SLC23A3: variants seen among roughly 807,000 people sequenced by gnomAD.
SLC23A3 encodes E2-binding protein 3.
SLC23A3 carries 41 observed loss-of-function variants against 64.7 expected under a neutral mutation model. The observed-to-expected ratio is 0.63, with a 90% CI of 0.49 to 0.82. The LOEUF (loss-of-function observed/expected upper bound fraction) is 0.82. SLC23A3 is among the 40% of genes least tolerant of loss of function. The pLI, the probability that SLC23A3 is intolerant of heterozygous loss-of-function variation, is 0.00. For synonymous variants in SLC23A3, 281 were observed against 306.8 expected, an observed-to-expected ratio of 0.92 and a Z score of 0.88; for missense variants, 647 against 733.4, an observed-to-expected ratio of 0.88 and a Z score of 1.36.
At chr2:219,164,117 T>G (rs117781413) in intron 9 of SLC23A3, 116 bp downstream of exon 9, 2 of 675,410 alleles carry the variant, frequency 3.0e-6, no homozygotes, top group Non-Finnish European at 5.2e-6. Context: ...CATCCATCCA[T>G]CCACCCATCC....
rs778440946 is a variant in SLC23A3, at chr2:219,168,704, C to T, written c.622G>A (p.Ala208Thr). 6.2e-7 allele frequency: 1 copy of T among 1,613,850 alleles called. No individual in the cohort carries two copies. The highest frequency in any genetic ancestry group is 8.5e-7 in the Non-Finnish European group (1 of 1,179,904). ...APSLVVAGLS[A>T]HREVAQFCFT... ...CAGAACTGGGCTACCTCCCTGTGGG[C>T]AGAGAGCCCTGCCACAACCAGGCTG... Residue 208 changes from alanine to threonine, a missense_variant, in exon 5 of 12, where the codon GCC (alanine) becomes ACC (threonine). Coordinates refer to ENST00000409878, the MANE Select transcript of SLC23A3 (RefSeq NM_001144889.2).
intron 9 of SLC23A3, 149 bp from the exon 10 acceptor site, chr2:219,163,704 T>C (rs556275713): frequency 1.6e-5 from 12 of 773,694 alleles, no homozygotes; most frequent in Middle Eastern, 3.9e-4. Flanking sequence ...GTTTTTTTGG[T>C]TTTTTTTTGA....
At position 219,165,376 on chromosome 2, in the gene SLC23A3, G is replaced by A. The variant is rs780672586; in HGVS notation, c.960C>T (p.Gly320=). The A allele has an allele frequency of 4.5e-6, 7 of 1,551,102 alleles. No homozygotes were observed. In the South Asian group the frequency reaches 5.9e-5, roughly 13 times the overall value. Residue 320 remains glycine (G), a synonymous_variant, in exon 8 of 12, where the codon GGC becomes GGT. Transcript: ENST00000409878. ...TGGAGGCTGCCAAGGCCATGGAGAT[G>A]CCTGCAGCCAGAGCTCTGGGCGTCA... ...PLLTPRALAA[G]ISMALAASTS...
At position 219,169,332 on chromosome 2, in the gene SLC23A3, C is replaced by T. The variant is rs537400035; in HGVS notation, c.395G>A (p.Arg132Gln). Reference sequence around the variant, plus strand: ...ACAGTTTCCAGGTGTCTGGATGGCCCGGGGTAGCTTCTGGCTGGTCAGCAC... The same window carrying T: ...ACAGTTTCCAGGTGTCTGGATGGCCTGGGGTAGCTTCTGGCTGGTCAGCAC... The part of the protein sequence containing the change: ...ALVLTSQKLP[R>Q]AIQTPGNSSL... The change falls in exon 3 of 12, where the codon CGG (arginine) becomes CAG (glutamine). Residue 132 changes from arginine (R) to glutamine (Q), a missense_variant. Transcript: ENST00000409878. This position sits in a 1 kb window ranked among gnomAD's most constrained non-coding sequence, Gnocchi z 4.5. 4.6e-5 allele frequency: 74 copies of T among 1,614,082 alleles called. No homozygotes were observed. Among genetic ancestry groups the T allele is most frequent in the Admixed American group, 1.3e-4 (8 of 60,000 alleles).
chr2:219,168,599 C>T (rs774783556), intron 5 of SLC23A3, 53 bp downstream of exon 5: 53 of 1,551,514 alleles, frequency 3.4e-5, no homozygotes, highest in Non-Finnish European at 4.2e-5. Flanking sequence ...CTCCCCTAGT[C>T]CCCCCATACA....
In SLC23A3 at chr2:219,169,238, C is replaced by G; in HGVS notation, c.418+71G>C. 1.2e-6 allele frequency: 2 copies of G among 1,612,888 alleles called. No homozygotes were observed. The highest frequency in any genetic ancestry group is 1.3e-5 in the African/African-American group (1 of 75,030). ...ACCACTGCCCAATCTCAATTCTGCACCCACCTACACCTGCATGCTCAGATG... is the reference window on the plus strand; with the variant it reads ...ACCACTGCCCAATCTCAATTCTGCAGCCACCTACACCTGCATGCTCAGATG... On this transcript the variant is annotated intron_variant, in intron 3 of 11. Transcript: ENST00000409878. The surrounding 1 kb of genome is among the most constrained non-coding windows in gnomAD (Gnocchi z 4.5).
rs199743390 is a variant in SLC23A3 at position 219,168,632 on chromosome 2, G to A, written c.674+20C>T. ...ACACCCCCACTGGGCACCATCCCAC[G>A]CCTCTCAGGACTCACGTACAGCAAG... On this transcript the variant is annotated intron_variant, in intron 5 of 11. Transcript: ENST00000409878. 621 of 1,610,912 alleles carry A rather than the reference G, an allele frequency of 3.9e-4. 1 individual carries two copies. The African/African-American group carries it at 6.8e-3, about 18-fold the overall frequency.
chr2:219,169,188 A>G lies in SLC23A3; in HGVS notation c.419-86T>C. ...ACAGTCCCACTCCTGGCACAGGTCC[A>G]AGCCCCCTATAGTGTCACAGTCTCA... On this transcript the variant is annotated intron_variant, in intron 3 of 11. Coordinates refer to ENST00000409878, the MANE Select transcript of SLC23A3 (RefSeq NM_001144889.2). The surrounding 1 kb of genome is among the most constrained non-coding windows in gnomAD (Gnocchi z 4.5). 1 of 1,606,830 alleles carries G rather than the reference A, an allele frequency of 6.2e-7. No homozygotes were observed. The highest frequency in any genetic ancestry group is 8.5e-7 in the Non-Finnish European group (1 of 1,174,326).
chr2:219,164,496 C>T, intron 8 of SLC23A3, 158 bp from the exon 9 acceptor site: 1 of 576,050 alleles, frequency 1.7e-6, no homozygotes, highest in Non-Finnish European at 3.1e-6. Context: ...TCCTTTCCAT[C>T]CCACTACCCT....
chr2:219,162,018 C>T lies in SLC23A3; in HGVS notation c.1724G>A (p.Gly575Glu). ...HCLCPLPEDP[G>E]DEEGGSSEPE... ...CTCAGAGGAGCCTCCTTCCTCATCC[C>T]CAGGGTCTTCAGGCAGTGGGCAGAG... Residue 575 changes from glycine (G) to glutamate (E), a missense_variant, in exon 12 of 12, where the codon GGG becomes GAG. Gly to Glu is a moderately conservative substitution (Grantham distance 98, BLOSUM62 -2). Coordinates refer to ENST00000409878, the MANE Select transcript of SLC23A3 (RefSeq NM_001144889.2). The T allele has an allele frequency of 1.2e-6, 2 of 1,614,152 alleles. No homozygotes were observed.
chr2:219,169,853 A>T lies in SLC23A3; in HGVS notation c.132T>A (p.Pro44=), dbSNP rs1428804063. The T allele has an allele frequency of 6.2e-7, 1 of 1,604,118 alleles. No homozygotes were observed. Among genetic ancestry groups the T allele is most frequent in the East Asian group, 2.3e-5 (1 of 43,890 alleles). The change falls in exon 1 of 12, where the codon CCT becomes CCA. Residue 44 remains proline (P), a synonymous_variant. Transcript: ENST00000409878. The surrounding 1 kb of genome is among the most constrained non-coding windows in gnomAD (Gnocchi z 4.5). The stretch of plus-strand genomic sequence containing the variant: ...GAGCCAGAAGACAGCTGAGGCCCCA[A>T]GGCAGAGATCCACACAAAGGGTCCC... The part of the protein sequence containing the change: ...HSWDPLCGSL[P]WGLSCLLALQ...
chr2:219,161,585 T>A lies in SLC23A3; in HGVS notation c.*324A>T, dbSNP rs1027698661. The A allele has an allele frequency of 1.3e-5, 3 of 230,004 alleles. No individual in the cohort carries two copies. The highest frequency in any genetic ancestry group is 2.3e-5 in the African/African-American group (1 of 44,438). 14.2% of individuals were successfully genotyped at this position (230,004 alleles called of 1,614,324 possible). A position where few individuals can be genotyped will look rare whatever the true frequency, so the allele number is the denominator to read the frequency against. On this transcript the variant is annotated 3_prime_UTR_variant, in exon 12 of 12. Transcript: ENST00000409878. The stretch of plus-strand genomic sequence containing the variant: ...CCTTGAGACGGCATGGACCCTGTCT[T>A]ATCCCTGTAGTTCCAGGACCTTGCA...
At chr2:219,166,421 T>C (rs1484147348) in intron 7 of SLC23A3, among the ~76,000 whole-genome samples, 1 of 152,196 alleles carries the variant, frequency 6.6e-6, no homozygotes, top group Non-Finnish European at 1.5e-5. Context: ...GGTCTCTAAC[T>C]CCTGAGCTCA....
At position 219,161,941 on chromosome 2, in the gene SLC23A3, A is replaced by G; in HGVS notation, c.1801T>C (p.Ser601Pro). 3 of 1,597,036 alleles carry G rather than the reference A, an allele frequency of 1.9e-6. No individual in the cohort carries two copies. The highest frequency in any genetic ancestry group is 2.6e-6 in the Non-Finnish European group (3 of 1,170,886). The part of the protein sequence containing the change: ...LPGSGEPCPE[S>P]SREGFRSQK ...TGGGACCTAAACCCTTCTCTGCTAG[A>G]TTCAGGGCATGGCTCCCCTGAGCCA... Residue 601 changes from serine (S) to proline (P), a missense_variant, in exon 12 of 12, where the codon TCT becomes CCT. By Grantham distance (74) the Ser-to-Pro change is moderately conservative. Coordinates refer to ENST00000409878, the MANE Select transcript of SLC23A3 (RefSeq NM_001144889.2).
Position 219,168,314 on chromosome 2 carries a change from T to C in SLC23A3, c.679A>G (p.Ile227Val), listed in dbSNP as rs371316816. The C allele has an allele frequency of 1.9e-4, 304 of 1,602,556 alleles. No individual in the cohort carries two copies. The highest frequency in any genetic ancestry group is 2.5e-4 in the Non-Finnish European group (295 of 1,174,606). Residue 227 changes from isoleucine to valine, a missense_variant, in exon 6 of 12, where the codon ATC (isoleucine) becomes GTC (valine). Ile to Val is a conservative substitution (Grantham distance 29). Coordinates refer to ENST00000409878, the MANE Select transcript of SLC23A3 (RefSeq NM_001144889.2). ...TGAGAACAGACCACCATGAGCAGGA[T>C]AACCCTAGGAGACAGAAGGCTTTAG... ...FTHWGLALLV[I>V]LLMVVCSQHL...
intron 7 of SLC23A3, among the ~76,000 whole-genome samples, chr2:219,165,764 C>T (rs759959492): frequency 3.3e-5 from 5 of 152,248 alleles, no homozygotes; most frequent in South Asian, 2.1e-4. Context: ...AACTAGAATG[C>T]GCTTCCCTCC....
At chr2:219,168,982 C>A (rs760615354) in intron 4 of SLC23A3, 47 bp downstream of exon 4, 38 of 1,590,500 alleles carry the variant, frequency 2.4e-5, no homozygotes, top group Admixed American at 3.3e-5. Flanking sequence ...AAGAGCCCCC[C>A]CCAAGCCTGG....
chr2:219,168,631 C>T lies in SLC23A3; in HGVS notation c.674+21G>A, dbSNP rs78500598. The stretch of plus-strand genomic sequence containing the variant: ...TACACCCCCACTGGGCACCATCCCA[C>T]GCCTCTCAGGACTCACGTACAGCAA... On this transcript the variant is annotated intron_variant, in intron 5 of 11. Transcript: ENST00000409878. The T allele has an allele frequency of 3.7e-3, 6,015 of 1,610,778 alleles. 36 individuals are homozygous for T. The highest frequency in any genetic ancestry group is 3.7e-3 in the Non-Finnish European group (4,329 of 1,178,464).
In SLC23A3 at chr2:219,162,160, A is replaced by G. The variant is rs763511081; in HGVS notation, c.1582T>C (p.Phe528Leu). 4.3e-6 allele frequency: 7 copies of G among 1,613,122 alleles called. No individual in the cohort carries two copies. Among genetic ancestry groups the G allele is most frequent in the Non-Finnish European group, 5.1e-6 (6 of 1,179,428 alleles). ...RGLGQGLPSP[F>L]TAQEARMPQK... is the part of the protein sequence containing the mutation. ...GGCATTCGAGCCTCTTGGGCAGTGA[A>G]AGGAGATGGTAGCCCTTGACCTAGG... The change falls in exon 12 of 12, where the codon TTC becomes CTC. Residue 528 changes from phenylalanine to leucine, a missense_variant. Phe to Leu is a conservative substitution (Grantham distance 22, BLOSUM62 0). Transcript: ENST00000409878.
Sources: allele counts gnomAD v4.1 joint callset (sites outside exome capture counted in the v4.1 genomes callset), GRCh38; gene constraint gnomAD v4.1.1; non-coding constraint Gnocchi (gnomAD v3.1); transcripts MANE v1.5; gene names NCBI Gene and HGNC (gene_info 2026-07-23, HGNC 2026-07-21).